Variants in LINGO2 observed in about 807,000 individuals in gnomAD.
LINGO2 encodes the protein leucine rich repeat and Ig domain containing 2.
A neutral mutation model predicts 30.6 loss-of-function variants in LINGO2; 14 were observed. That is an observed-to-expected ratio of 0.46 (90% CI 0.30 to 0.72). LINGO2 has a LOEUF of 0.72. LINGO2 is among the 30% of genes least tolerant of loss of function. The probability of loss-of-function intolerance (pLI) is 0.07; values close to 1 mark genes in which losing one functional copy is unlikely to be tolerated. For missense variants in LINGO2, 729 were observed against 751.7 expected (o/e 0.97, Z 0.35); for synonymous variants, 317 against 288.5 (o/e 1.10, Z -1.00).
intron 2 of LINGO2, among the ~76,000 whole-genome samples, chr9:28,451,221 G>A (rs1191425972): frequency 1.3e-5 from 2 of 151,558 alleles, no homozygotes; most frequent in African/African-American, 4.8e-5. Context: ...CACTTACAAT[G>A]TTCTTTATGA....
chr9:27,991,123 A>ACACAAACC (rs1323500791), intron 5 of LINGO2, among the ~76,000 whole-genome samples: 3 of 152,100 alleles, frequency 2.0e-5, no homozygotes, highest in African/African-American at 7.2e-5. Flanking sequence ...AGGAAAAATT[A>ACACAAACC]CACAAACCTT....
At chr9:28,516,806 T>C (rs536740538) in intron 1 of LINGO2, among the ~76,000 whole-genome samples, 73 of 152,320 alleles carry the variant, frequency 4.8e-4, no homozygotes, top group African/African-American at 1.7e-3. Context: ...AATCTAGAAT[T>C]GGGATCAGAT....
the LINGO2 span, among the ~76,000 whole-genome samples, chr9:28,822,113 C>T: frequency 1.3e-5 from 2 of 152,102 alleles, no homozygotes; most frequent in Non-Finnish European, 2.9e-5. Flanking sequence ...CTCCCAAGGT[C>T]CTTATGCCCT....
intron 4 of LINGO2, among the ~76,000 whole-genome samples, chr9:28,207,874 T>C (rs902889573): frequency 3.3e-5 from 5 of 152,128 alleles, no homozygotes; most frequent in Non-Finnish European, 7.4e-5. Flanking sequence ...AGAGGGTGTT[T>C]TTTTTTTAAA....
chr9:29,130,943 C>T, the LINGO2 span, among the ~76,000 whole-genome samples: 1 of 152,076 alleles, frequency 6.6e-6, no homozygotes, highest in Non-Finnish European at 1.5e-5. Flanking sequence ...AGCACCCATC[C>T]GTCACAACAC....
chr9:28,491,758 C>A (rs1386440409), intron 1 of LINGO2, among the ~76,000 whole-genome samples: 1 of 152,022 alleles, frequency 6.6e-6, no homozygotes, highest in Non-Finnish European at 1.5e-5. Flanking sequence ...AGTATTTAGG[C>A]AGTTTATAAA....
chr9:28,847,820 C>T, the LINGO2 span, among the ~76,000 whole-genome samples: 1 of 36,600 alleles, frequency 2.7e-5, no homozygotes, highest in Admixed American at 3.2e-4. Context: ...TGTATATATA[C>T]ATATATATGT....
At chr9:29,210,214 A>G in the LINGO2 span, among the ~76,000 whole-genome samples, 6 of 152,194 alleles carry the variant, frequency 3.9e-5, no homozygotes, top group African/African-American at 1.2e-4. Flanking sequence ...TAGAGAGGAA[A>G]GCATCTTTAG....
At chr9:28,795,520 TGTAA>T in the LINGO2 span, among the ~76,000 whole-genome samples, 2 of 152,092 alleles carry the variant, frequency 1.3e-5, no homozygotes, top group East Asian at 3.9e-4. Flanking sequence ...TGCTATAAAC[TGTAA>T]ATAACTAGTC....
At chr9:28,367,242 C>G (rs10757734) in intron 3 of LINGO2, among the ~76,000 whole-genome samples, 9,711 of 152,222 alleles carry the variant, frequency 0.064, 410 homozygotes, top group East Asian at 0.16. Flanking sequence ...TTCTATAAAT[C>G]TGTCATTAAT....
chr9:28,310,780 G>A (rs1356139367), intron 3 of LINGO2, among the ~76,000 whole-genome samples: 1 of 152,130 alleles, frequency 6.6e-6, no homozygotes, highest in African/African-American at 2.4e-5. Flanking sequence ...TAAGTATAAA[G>A]TTTAATTTGA....
intron 3 of LINGO2, among the ~76,000 whole-genome samples, chr9:28,354,021 AG>A (rs1276636138): frequency 6.6e-6 from 1 of 152,128 alleles, no homozygotes; most frequent in Non-Finnish European, 1.5e-5. Flanking sequence ...GTGAGGGGGC[AG>A]GGATAGCATC....
chr9:28,253,062 T>G (rs896512873), intron 4 of LINGO2, among the ~76,000 whole-genome samples: 1 of 151,236 alleles, frequency 6.6e-6, no homozygotes, highest in African/African-American at 2.5e-5. Flanking sequence ...AACTTCCTCA[T>G]GTTTCAATTT....
At chr9:28,756,061 T>C in the LINGO2 span, among the ~76,000 whole-genome samples, 1 of 152,062 alleles carries the variant, frequency 6.6e-6, no homozygotes, top group Admixed American at 6.5e-5. Context: ...CTGTAACTCA[T>C]TTGGAGATGT....
chr9:27,975,341 C>G lies in LINGO2; in HGVS notation c.-35-24635G>C, dbSNP rs183153184. 1.9e-3 allele frequency among the ~76,000 whole-genome samples: 289 copies of G among 151,872 alleles called. 3 individuals are homozygous for G. The highest frequency in any genetic ancestry group is 6.6e-3 in the African/African-American group (275 of 41,430). Reference sequence around the variant, plus strand: ...TAGAATTTGGTTTAGGATTGAAAACCTACTTGGAATAGTGGTAAATGCTTA... The same window carrying G: ...TAGAATTTGGTTTAGGATTGAAAACGTACTTGGAATAGTGGTAAATGCTTA... On this transcript the variant is annotated intron_variant, in intron 5 of 5. Transcript: ENST00000379992.
At chr9:28,000,299 G>C (rs972472697) in intron 5 of LINGO2, among the ~76,000 whole-genome samples, 6 of 152,122 alleles carry the variant, frequency 3.9e-5, no homozygotes, top group African/African-American at 1.4e-4. Flanking sequence ...AAGGATGCTA[G>C]CTTTACTGGG....
the LINGO2 span, among the ~76,000 whole-genome samples, chr9:29,057,577 A>T: frequency 6.6e-6 from 1 of 152,116 alleles, no homozygotes; most frequent in African/African-American, 2.4e-5. Context: ...CTATGTGAGG[A>T]GACAGAGACT....
intron 3 of LINGO2, among the ~76,000 whole-genome samples, chr9:28,298,519 GA>G (rs1022028217): frequency 6.8e-5 from 10 of 147,154 alleles, no homozygotes; most frequent in Admixed American, 3.4e-4. Context: ...AAAAAAGAAA[GA>G]AAAAAATACA....
the LINGO2 span, among the ~76,000 whole-genome samples, chr9:28,902,850 T>G: frequency 7.9e-5 from 12 of 151,394 alleles, no homozygotes; most frequent in Admixed American, 7.9e-4. Context: ...GAAAATAAAA[T>G]ATACCAAAAT....
Sources: allele counts gnomAD v4.1 joint callset (sites outside exome capture counted in the v4.1 genomes callset), GRCh38; gene constraint gnomAD v4.1.1; transcripts MANE v1.5; gene names NCBI Gene and HGNC (gene_info 2026-07-23, HGNC 2026-07-21).